The following TBCD variants were observed in gnomAD, a reference collection of about 807,000 sequenced individuals.
TBCD encodes the protein tubulin folding cofactor D.
A neutral mutation model predicts 169.3 loss-of-function variants in TBCD; 105 were observed. That is an observed-to-expected ratio of 0.62 (90% CI 0.53 to 0.73). The LOEUF is 0.73. Ranked by LOEUF, TBCD falls within the 30% of genes least tolerant of loss-of-function variation. TBCD has a pLI of 0.00. For missense variants in TBCD, 1,444 were observed against 1,600.1 expected (o/e 0.90, Z 1.66); for synonymous variants, 700 against 643.9 (o/e 1.09, Z -1.32).
intron 13 of TBCD, among the ~76,000 whole-genome samples, chr17:82,822,911 G>C (rs1261822201): frequency 6.6e-6 from 1 of 152,182 alleles, no homozygotes; most frequent in Non-Finnish European, 1.5e-5. Flanking sequence ...GGGTGGAAAA[G>C]CTTGAACCGG....
At chr17:82,800,049 C>T (rs2050392134) in intron 8 of TBCD, among the ~76,000 whole-genome samples, 1 of 152,064 alleles carries the variant, frequency 6.6e-6, no homozygotes, top group African/African-American at 2.4e-5. Context: ...CCCCACTGCC[C>T]CTTCCTCCAT....
intron 13 of TBCD, chr17:82,830,932 T>C (rs2053448580): frequency 6.2e-7 from 1 of 1,613,130 alleles, no homozygotes; most frequent in Non-Finnish European, 8.5e-7. Context: ...AGCAACTGCG[T>C]GAAGCAGTGT....
At chr17:82,784,073 G>A (rs935391809) in intron 7 of TBCD, among the ~76,000 whole-genome samples, 28 of 151,814 alleles carry the variant, frequency 1.8e-4, no homozygotes, top group South Asian at 1.2e-3. Flanking sequence ...TGAGTGAGCC[G>A]AGATCATGCC....
rs529857746 is a variant in TBCD, at chr17:82,899,127, G to A, written c.1650-1524G>A. 6.0e-5 allele frequency among the ~76,000 whole-genome samples: 6 copies of A among 99,186 alleles called. No homozygotes were observed. In the South Asian group the frequency reaches 1.6e-3, roughly 26 times the overall value. The allele number at this position is 99,186 out of a possible 152,430, so 65.1% of individuals were successfully genotyped here. A position where few individuals can be genotyped will look rare whatever the true frequency, so the allele number is the denominator to read the frequency against. On this transcript the variant is annotated intron_variant, in intron 17 of 38. Transcript: ENST00000355528. Reference sequence around the variant, plus strand: ...ACCGTCCGCAGCGCGTGTGTCCTCAGTGCATGTGTCCTCCGCTAGTGTCCT... The same window carrying A: ...ACCGTCCGCAGCGCGTGTGTCCTCAATGCATGTGTCCTCCGCTAGTGTCCT...
rs2062692691 is a variant in TBCD at position 82,937,066 on chromosome 17, G to C, written c.3192-205G>C. 3 of 574,892 alleles carry C rather than the reference G, an allele frequency of 5.2e-6. No individual in the cohort carries two copies. The East Asian group carries it at 8.5e-5, about 16-fold the overall frequency. The allele number at this position is 574,892 out of a possible 1,614,324, so 35.6% of individuals were successfully genotyped here. A position where few individuals can be genotyped will look rare whatever the true frequency, so the allele number is the denominator to read the frequency against. On this transcript the variant is annotated intron_variant, in intron 34 of 38. Coordinates refer to ENST00000355528, the MANE Select transcript of TBCD (RefSeq NM_005993.5). Reference sequence around the variant, plus strand: ...AGAGACAGCAGAGGCCGGCCAGGTGGTGGCACAGCCGCTAGGGACCAGGCC... The same window carrying C: ...AGAGACAGCAGAGGCCGGCCAGGTGCTGGCACAGCCGCTAGGGACCAGGCC...
intron 20 of TBCD, among the ~76,000 whole-genome samples, chr17:82,907,274 C>T (rs758866177): frequency 6.6e-6 from 1 of 152,228 alleles, no homozygotes; most frequent in African/African-American, 2.4e-5. Flanking sequence ...CATGAGCTGT[C>T]GTCTCAGCCT....
Position 82,942,794 on chromosome 17 carries a change from A to C in TBCD, c.*331A>C. The C allele has an allele frequency of 4.7e-6, 2 of 425,298 alleles. No individual in the cohort carries two copies. Among genetic ancestry groups the C allele is most frequent in the Non-Finnish European group, 8.4e-6 (2 of 238,102 alleles). The allele number at this position is 425,298 out of a possible 1,614,324, so 26.3% of individuals were successfully genotyped here. A position where few individuals can be genotyped will look rare whatever the true frequency, so the allele number is the denominator to read the frequency against. ...GTCAGCCAGAGGGGAGGTGGGCTGC[A>C]CTCCTCCTGCCTGGAGACCAGGCCC... On this transcript the variant is annotated 3_prime_UTR_variant, in exon 39 of 39. Coordinates refer to ENST00000355528, the MANE Select transcript of TBCD (RefSeq NM_005993.5).
chr17:82,798,506 T>C (rs568692420), intron 8 of TBCD, among the ~76,000 whole-genome samples: 117 of 152,346 alleles, frequency 7.7e-4, no homozygotes, highest in African/African-American at 2.8e-3. Flanking sequence ...AGTCTTGAAC[T>C]GCTGACCTAG....
intron 13 of TBCD, among the ~76,000 whole-genome samples, chr17:82,847,707 C>T (rs1396151542): frequency 3.9e-5 from 6 of 152,202 alleles, no homozygotes; most frequent in South Asian, 2.1e-4. Flanking sequence ...GTGCGATCTC[C>T]GCCTCCCGAG....
In TBCD at chr17:82,880,588, T is replaced by G. The variant is rs754296495; in HGVS notation, c.1476-3557T>G. The stretch of plus-strand genomic sequence containing the variant: ...GGTGTGCTGCTGGATGCCCCAAGGA[T>G]CTGGCAGGAGGAGGCATCCAGGCCC... On this transcript the variant is annotated intron_variant, in intron 14 of 38. Coordinates refer to ENST00000355528, the MANE Select transcript of TBCD (RefSeq NM_005993.5). This position sits in a 1 kb window ranked among gnomAD's most constrained non-coding sequence, Gnocchi z 5.0. 6.6e-6 allele frequency among the ~76,000 whole-genome samples: 1 copy of G among 152,170 alleles called. No individual in the cohort carries two copies. Among genetic ancestry groups the G allele is most frequent in the Non-Finnish European group, 1.5e-5 (1 of 68,034 alleles).
chr17:82,940,339 T>C (rs1030956391), intron 37 of TBCD, among the ~76,000 whole-genome samples: 38 of 151,558 alleles, frequency 2.5e-4, no homozygotes, highest in African/African-American at 9.0e-4. Flanking sequence ...ATACCCGGGG[T>C]GGTGGAGTCC....
At chr17:82,754,776 G>C (rs909690349) in intron 1 of TBCD, among the ~76,000 whole-genome samples, 2 of 152,362 alleles carry the variant, frequency 1.3e-5, no homozygotes, top group East Asian at 3.9e-4. Context: ...GGTGTGTTCA[G>C]ATGTGGAGGT....
intron 13 of TBCD, among the ~76,000 whole-genome samples, chr17:82,850,568 G>C (rs558945289): frequency 6.5e-4 from 96 of 148,488 alleles, no homozygotes; most frequent in African/African-American, 2.3e-3. Flanking sequence ...TGCTGTTGTT[G>C]GCTGTGCTGC....
At chr17:82,872,921 TGGCCGAC>T (rs1197322691) in intron 14 of TBCD, among the ~76,000 whole-genome samples, 4 of 143,864 alleles carry the variant, frequency 2.8e-5, no homozygotes, top group East Asian at 2.0e-4. Flanking sequence ...CGGCACCTCG[TGGCCGAC>T]GGCTTCTGAG....
At position 82,835,948 on chromosome 17, in the gene TBCD, G is replaced by A. The variant is rs2053931607; in HGVS notation, c.1318+21014G>A. Among the ~76,000 whole-genome samples, 1 of 152,154 alleles carries A rather than the reference G, an allele frequency of 6.6e-6. No homozygotes were observed. Among genetic ancestry groups the A allele is most frequent in the Non-Finnish European group, 1.5e-5 (1 of 68,030 alleles). The stretch of plus-strand genomic sequence containing the variant: ...TGTTTGTTACCCTACAACCAGGGAG[G>A]GTGTCGGGTGACACCCTGGGCTCAG... On this transcript the variant is annotated intron_variant, in intron 13 of 38. Coordinates refer to ENST00000355528, the MANE Select transcript of TBCD (RefSeq NM_005993.5). The surrounding 1 kb of genome is among the most constrained non-coding windows in gnomAD (Gnocchi z 4.5).
At chr17:82,776,358 G>A (rs1404894894) in intron 6 of TBCD, among the ~76,000 whole-genome samples, 3 of 152,186 alleles carry the variant, frequency 2.0e-5, no homozygotes, top group African/African-American at 4.8e-5. Flanking sequence ...TCAGTGAGCT[G>A]TGATTGCGCC....
chr17:82,791,313 G>A (rs548677173), intron 7 of TBCD, among the ~76,000 whole-genome samples: 16 of 152,136 alleles, frequency 1.1e-4, no homozygotes, highest in Admixed American at 3.3e-4. Flanking sequence ...GGATGGTCTC[G>A]ATCTCCTGAC....
chr17:82,756,682 G>A (rs1350131479), intron 2 of TBCD, among the ~76,000 whole-genome samples: 6 of 152,078 alleles, frequency 3.9e-5, no homozygotes, highest in African/African-American at 1.2e-4. Context: ...GTTTCACTAT[G>A]TTGGCCAGGA....
intron 8 of TBCD, 103 bp downstream of exon 8, chr17:82,797,905 C>A: frequency 3.0e-6 from 2 of 675,380 alleles, no homozygotes; most frequent in Non-Finnish European, 4.3e-6. Context: ...AGGAACTGTA[C>A]ATTGGTATGT....
Sources: gnomAD v4.1 joint callset for allele counts (sites outside exome capture counted in the v4.1 genomes callset) on GRCh38, gnomAD v4.1.1 for gene constraint, Gnocchi (gnomAD v3.1) non-coding constraint, MANE v1.5 for transcripts, NCBI Gene and HGNC (gene_info 2026-07-23, HGNC 2026-07-21) for gene names.